Variants in SHROOM3 observed in about 807,000 individuals in gnomAD.
The protein encoded by SHROOM3 is protein Shroom3.
In SHROOM3, 47 loss-of-function variants were observed where a neutral mutation model predicts 138.6. The observed-to-expected ratio is 0.34, with a 90% CI of 0.27 to 0.43. SHROOM3 has a LOEUF of 0.43. Ranked by LOEUF, SHROOM3 falls within the 20% of genes least tolerant of loss-of-function variation. SHROOM3 has a pLI of 1.00. For synonymous variants in SHROOM3, 1,062 were observed against 1,063.3 expected (o/e 1.00, Z 0.02); for missense variants, 2,491 against 2,596.5 (o/e 0.96, Z 0.88).
intron 10 of SHROOM3, among the ~76,000 whole-genome samples, chr4:76,775,502 C>G (rs912811667): frequency 6.6e-6 from 1 of 151,998 alleles, no homozygotes; most frequent in East Asian, 1.9e-4. Context: ...CCTTAAAGAA[C>G]TAAAAGTACA....
At chr4:76,574,509 C>T (rs1733898203) in intron 2 of SHROOM3, among the ~76,000 whole-genome samples, 1 of 152,152 alleles carries the variant, frequency 6.6e-6, no homozygotes, top group Non-Finnish European at 1.5e-5. Flanking sequence ...TCCCTCTCTA[C>T]CAACGCCTTT....
chr4:76,729,313 G>C (rs1720805521), intron 3 of SHROOM3, among the ~76,000 whole-genome samples: 1 of 152,048 alleles, frequency 6.6e-6, no homozygotes, highest in South Asian at 2.1e-4. Flanking sequence ...TCTCTTGAGA[G>C]GGAGTTGAAT....
intron 9 of SHROOM3, among the ~76,000 whole-genome samples, chr4:76,763,714 T>C (rs1381489030): frequency 6.6e-6 from 1 of 152,232 alleles, no homozygotes; most frequent in Non-Finnish European, 1.5e-5. Context: ...TTTTATCATA[T>C]GACAATGGAG....
intron 2 of SHROOM3, among the ~76,000 whole-genome samples, chr4:76,623,776 A>G (rs912510247): frequency 1.3e-5 from 2 of 152,138 alleles, no homozygotes; most frequent in African/African-American, 4.8e-5. Flanking sequence ...ACACCCAAGC[A>G]TTTTTCAGCA....
intron 5 of SHROOM3, among the ~76,000 whole-genome samples, chr4:76,748,371 C>T (rs900568932): frequency 1.3e-5 from 2 of 152,134 alleles, no homozygotes; most frequent in African/African-American, 4.8e-5. Flanking sequence ...TCATCTTCAT[C>T]ATGGACCTGA....
chr4:76,716,194 T>G, intron 3 of SHROOM3: 1 of 427,850 alleles, frequency 2.3e-6, no homozygotes, highest in Non-Finnish European at 4.6e-6. Flanking sequence ...CAGAGGGGAC[T>G]GGCATTGAGA....
chr4:76,540,013 A>G (rs1033680653), intron 1 of SHROOM3, among the ~76,000 whole-genome samples: 7 of 152,140 alleles, frequency 4.6e-5, no homozygotes, highest in African/African-American at 1.7e-4. Flanking sequence ...ATGCCCGGCT[A>G]ATTTTCGTAT....
chr4:76,751,349 A>G (rs1721617038), intron 6 of SHROOM3, among the ~76,000 whole-genome samples: 1 of 152,230 alleles, frequency 6.6e-6, no homozygotes, highest in South Asian at 2.1e-4. Context: ...CCATGCTGAC[A>G]TAATTCTCCC....
intron 7 of SHROOM3, among the ~76,000 whole-genome samples, 167 bp from the exon 8 acceptor site, chr4:76,756,282 C>A (rs1003664400): frequency 2.6e-5 from 4 of 152,168 alleles, no homozygotes; most frequent in African/African-American, 9.7e-5. Context: ...AAGCCATATT[C>A]TTTAACATTA....
At chr4:76,651,852 C>A (rs1258560355) in intron 2 of SHROOM3, among the ~76,000 whole-genome samples, 1 of 152,128 alleles carries the variant, frequency 6.6e-6, no homozygotes, top group African/African-American at 2.4e-5. Flanking sequence ...GTCATCTATA[C>A]AGCAAATCGG....
chr4:76,457,908 G>C (rs1731062705), intron 1 of SHROOM3, among the ~76,000 whole-genome samples: 1 of 151,410 alleles, frequency 6.6e-6, no homozygotes, highest in African/African-American at 2.4e-5. Flanking sequence ...CCATTCTCCT[G>C]CCTCGGCCTC....
At chr4:76,479,940 C>T (rs1370297619) in intron 1 of SHROOM3, among the ~76,000 whole-genome samples, 1 of 152,154 alleles carries the variant, frequency 6.6e-6, no homozygotes. Context: ...GAGATTTTGT[C>T]ACCACCAGGC....
Position 76,740,155 on chromosome 4 carries a change from C to T in SHROOM3, c.1982C>T (p.Ala661Val), listed in dbSNP as rs758110068. 2 of 1,613,926 alleles carry T rather than the reference C, an allele frequency of 1.2e-6. No homozygotes were observed. Among genetic ancestry groups the T allele is most frequent in the Non-Finnish European group, 1.7e-6 (2 of 1,180,022 alleles). Residue 661 changes from alanine to valine, a missense_variant, in exon 5 of 11, where the codon GCC becomes GTC. Ala to Val is a moderately conservative substitution (Grantham distance 64). Around this residue, in one of 4 missense-constraint regions of SHROOM3, gnomAD observed 1,733 missense variants for 1,661.6 expected, o/e 1.04. Transcript: ENST00000296043. The surrounding 1 kb of genome is among the most constrained non-coding windows in gnomAD (Gnocchi z 4.0). ...LSGNFGKTKS[A>V]FSSLQNIPES... ...GGCAACTTTGGCAAGACCAAGTCAGCCTTCTCATCTCTCCAGAACATTCCT... is the reference window on the plus strand; with the variant it reads ...GGCAACTTTGGCAAGACCAAGTCAGTCTTCTCATCTCTCCAGAACATTCCT...
intron 2 of SHROOM3, among the ~76,000 whole-genome samples, chr4:76,611,244 C>G (rs557729982): frequency 2.9e-4 from 44 of 150,710 alleles, no homozygotes; most frequent in Non-Finnish European, 5.9e-4. Context: ...TGTGCGCCCT[C>G]TCTCTGTGTC....
intron 2 of SHROOM3, among the ~76,000 whole-genome samples, chr4:76,606,432 G>A (rs1373176289): frequency 6.6e-6 from 1 of 152,048 alleles, no homozygotes; most frequent in Non-Finnish European, 1.5e-5. Context: ...AGTAAAGGCT[G>A]GGTGCAGTGG....
chr4:76,774,373 T>C (rs964879156), intron 10 of SHROOM3, among the ~76,000 whole-genome samples: 1 of 152,102 alleles, frequency 6.6e-6, no homozygotes, highest in Non-Finnish European at 1.5e-5. Context: ...GTTAAGAAAC[T>C]AAAACTATAA....
Position 76,629,527 on chromosome 4 carries a change from G to C in SHROOM3, c.323+73764G>C, listed in dbSNP as rs78060935. ...AATAATCACTCTGGCTATGAAGACT[G>C]GAGGTGAGCAGATAAGGGCAAGGCA... is the stretch of plus-strand genomic sequence containing the variant. On this transcript the variant is annotated intron_variant, in intron 2 of 10. Transcript: ENST00000296043. Among the ~76,000 whole-genome samples the C allele has an allele frequency of 4.9e-3, 739 of 152,334 alleles. 7 individuals carry two copies. Among genetic ancestry groups the C allele is most frequent in the African/African-American group, 0.017 (715 of 41,580 alleles).
chr4:76,557,027 C>G (rs1246549492), intron 2 of SHROOM3, among the ~76,000 whole-genome samples: 1 of 152,058 alleles, frequency 6.6e-6, no homozygotes, highest in Non-Finnish European at 1.5e-5. Context: ...TCAGACAGAC[C>G]CGGGTTCAAA....
At chr4:76,731,411 C>T (rs1720877353) in intron 4 of SHROOM3, among the ~76,000 whole-genome samples, 1 of 152,200 alleles carries the variant, frequency 6.6e-6, no homozygotes, top group Non-Finnish European at 1.5e-5. Flanking sequence ...TCAGTGTATA[C>T]ATTATCTCAT....
Sources: gnomAD v4.1 joint callset for allele counts (sites outside exome capture counted in the v4.1 genomes callset) on GRCh38, gnomAD v4.1.1 for gene constraint, gnomAD v4.1.1 regional missense constraint, Gnocchi (gnomAD v3.1) non-coding constraint, MANE v1.5 for transcripts, NCBI Gene and HGNC (gene_info 2026-07-23, HGNC 2026-07-21) for gene names.